The following ABR variants were observed in gnomAD, a reference collection of about 807,000 sequenced individuals.
The protein encoded by ABR is ABR activator of RhoGEF and GTPase, also known as active breakpoint cluster region-related protein.
A neutral mutation model predicts 107.2 loss-of-function variants in ABR; 35 were observed. The observed-to-expected ratio is 0.33, with a 90% CI of 0.25 to 0.43. The LOEUF (loss-of-function observed/expected upper bound fraction) is 0.43. Ranked by LOEUF, ABR falls within the 20% of genes least tolerant of loss-of-function variation. ABR has a pLI of 1.00. For synonymous variants in ABR, 498 were observed against 462.0 expected (o/e 1.08, Z -1.00); for missense variants, 815 against 1,115.2 (o/e 0.73, Z 3.83).
At chr17:1,160,282 CCA>C (rs112524650) in intron 1 of ABR, among the ~76,000 whole-genome samples, 36,412 of 148,586 alleles carry the variant, frequency 0.25, 4,790 homozygotes, top group African/African-American at 0.35. Context: ...CAAAAAAAAA[CCA>C]CACACACACA....
chr17:1,211,543 T>C lies in ABR; in HGVS notation c.838+17250A>G, dbSNP rs145717883. ...GATTGATTATTCACCGTGATTTTTT[T>C]ACCATAGATTTCCTCATTAATCCCC... is the stretch of plus-strand genomic sequence containing the variant. On this transcript the variant is annotated intron_variant, in intron 1 of 22. Transcript: ENST00000574139. 5.1e-4 allele frequency among the ~76,000 whole-genome samples: 77 copies of C among 152,340 alleles called. No homozygotes were observed. The East Asian group carries it at 0.014, about 28-fold the overall frequency.
At position 1,080,200 on chromosome 17, in the gene ABR, T is replaced by C. The variant is rs371195134; in HGVS notation, c.640-810A>G. 1.7e-4 allele frequency among the ~76,000 whole-genome samples: 26 copies of C among 152,070 alleles called. 2 individuals are homozygous for C. Among genetic ancestry groups the C allele is most frequent in the African/African-American group, 6.3e-4 (26 of 41,462 alleles). ...GACAGTGAGCTGCATCCTACCCCCA[T>C]CAGAGAGCACTTACTCAGCCCCCAG... On this transcript the variant is annotated intron_variant, in intron 5 of 22. Coordinates refer to ENST00000302538, the MANE Select transcript of ABR (RefSeq NM_021962.5).
chr17:1,228,727 G>A (rs2043270374), intron 1 of ABR: 1 of 151,948 alleles, frequency 6.6e-6, no homozygotes. Flanking sequence ...GGCCGGGAAG[G>A]GGTCCCGGCA....
At chr17:1,167,891 G>A (rs913739045) in intron 1 of ABR, among the ~76,000 whole-genome samples, 6 of 152,192 alleles carry the variant, frequency 3.9e-5, no homozygotes, top group Non-Finnish European at 7.3e-5. Flanking sequence ...GGTCGCTCAC[G>A]CCTGTAATCC....
At chr17:1,218,666 G>C (rs375804453) in intron 1 of ABR, among the ~76,000 whole-genome samples, 1 of 152,086 alleles carries the variant, frequency 6.6e-6, no homozygotes, top group Non-Finnish European at 1.5e-5. Context: ...CTCAACATTC[G>C]GCATGCCAAA....
intron 1 of ABR, among the ~76,000 whole-genome samples, chr17:1,134,966 C>G (rs1458832705): frequency 6.6e-6 from 1 of 152,242 alleles, no homozygotes; most frequent in African/African-American, 2.4e-5. Context: ...CTGGATGACA[C>G]GCATACGGCA....
intron 16 of ABR, among the ~76,000 whole-genome samples, chr17:1,038,343 T>C (rs1049125091): frequency 3.9e-5 from 6 of 152,158 alleles, no homozygotes; most frequent in Non-Finnish European, 7.4e-5. Flanking sequence ...CACCTCTGGG[T>C]CAGACGCTGA....
chr17:1,216,517 A>T (rs2043013472), intron 1 of ABR, among the ~76,000 whole-genome samples: 1 of 152,236 alleles, frequency 6.6e-6, no homozygotes, highest in Non-Finnish European at 1.5e-5. Context: ...GTCGGCTCTA[A>T]CTAATGCCTC....
chr17:1,046,415 C>A (rs2004755), intron 16 of ABR, among the ~76,000 whole-genome samples: 1 of 150,998 alleles, frequency 6.6e-6, no homozygotes, highest in African/African-American at 2.4e-5. Flanking sequence ...GGATTATGGG[C>A]GCGTGCCACC....
chr17:1,098,434 C>CAT (rs1047850739), intron 3 of ABR, among the ~76,000 whole-genome samples: 3 of 152,160 alleles, frequency 2.0e-5, no homozygotes, highest in African/African-American at 7.2e-5. Flanking sequence ...CCGGCAATTA[C>CAT]ATATATATAC....
chr17:1,214,339 G>GTATA (rs35881832), intron 1 of ABR, among the ~76,000 whole-genome samples: 36 of 151,164 alleles, frequency 2.4e-4, no homozygotes, highest in Admixed American at 1.4e-3. Context: ...GGATGTGTGT[G>GTATA]TATATATATA....
Position 1,011,998 on chromosome 17 carries a change from G to A in ABR, c.1962-13C>T, listed in dbSNP as rs202247607. On this transcript the variant is annotated splice_polypyrimidine_tract_variant and intron_variant, in intron 18 of 22. Transcript: ENST00000302538. This position sits in a 1 kb window ranked among gnomAD's most constrained non-coding sequence, Gnocchi z 4.8. ...GGAGCGCTCCCGCCTGGGGTGGAGC[G>A]TGAGGATGGGTGGAGGGCAGCCCCC... 5.5e-5 allele frequency: 88 copies of A among 1,611,346 alleles called. No homozygotes were observed. Among genetic ancestry groups the A allele is most frequent in the Non-Finnish European group, 6.8e-5 (80 of 1,178,184 alleles).
chr17:1,223,250 A>T (rs12938120), intron 1 of ABR, among the ~76,000 whole-genome samples: 1 of 151,078 alleles, frequency 6.6e-6, no homozygotes, highest in African/African-American at 2.4e-5. Context: ...GGCGGGCACC[A>T]GTAATCTCAG....
intron 1 of ABR, among the ~76,000 whole-genome samples, chr17:1,196,345 A>G (rs927758424): frequency 2.0e-5 from 3 of 150,484 alleles, no homozygotes; most frequent in African/African-American, 7.3e-5. Flanking sequence ...CAGGAGAATC[A>G]CTTGAACCCA....
Position 1,005,046 on chromosome 17 carries a change from GCTC to G in ABR, c.*1031_*1033del, listed in dbSNP as rs759169646. Reference sequence around the variant, plus strand: ...CCCTCTTGAAAAGCCCCCACAACTTGCTCCTAAGAGCTGAGCTGCCTCCCCGCG... The same window carrying G: ...CCCTCTTGAAAAGCCCCCACAACTTGCTAAGAGCTGAGCTGCCTCCCCGCG... On this transcript the variant is annotated 3_prime_UTR_variant, in exon 23 of 23. Transcript: ENST00000302538. 1.0e-5 allele frequency: 4 copies of G among 398,828 alleles called. No individual in the cohort carries two copies. Among genetic ancestry groups the G allele is most frequent in the Non-Finnish European group, 1.8e-5 (4 of 226,222 alleles). The allele number at this position is 398,828 out of a possible 1,614,324, so 24.7% of individuals were successfully genotyped here. A position where few individuals can be genotyped will look rare whatever the true frequency, so the allele number is the denominator to read the frequency against.
chr17:1,092,120 C>T lies in ABR; in HGVS notation c.346-270G>A, dbSNP rs528347596. Among the ~76,000 whole-genome samples the T allele has an allele frequency of 2.6e-5, 4 of 152,280 alleles. No individual in the cohort carries two copies. In the South Asian group the frequency reaches 8.3e-4, roughly 32 times the overall value. On this transcript the variant is annotated intron_variant, in intron 3 of 22. Coordinates refer to ENST00000302538, the MANE Select transcript of ABR (RefSeq NM_021962.5). The surrounding 1 kb of genome is among the most constrained non-coding windows in gnomAD (Gnocchi z 4.6). ...CTCACTCCCCTACCACGCAGCTGAG[C>T]TCAGCAGCAGCCTGTACTGGGTTAA...
chr17:1,112,620 G>A (rs868483117), intron 2 of ABR, among the ~76,000 whole-genome samples: 11 of 92,240 alleles, frequency 1.2e-4, no homozygotes, highest in African/African-American at 5.2e-4. Flanking sequence ...AGGGAGGAAG[G>A]AAGGAAGGAA....
At chr17:1,228,687 G>A (rs1007904813) in intron 1 of ABR, 5 of 152,032 alleles carry the variant, frequency 3.3e-5, no homozygotes, top group African/African-American at 4.8e-5. Flanking sequence ...CCCCGGCCCC[G>A]AGCTCGAGGT....
In ABR at chr17:1,050,429, G is replaced by A. The variant is rs1188912122; in HGVS notation, c.1659+108C>T. ...GCCAGAGGAGCAGGGAGCAGAAAGG[G>A]GGGTGCAGACATAGCTGGTCCAACC... On this transcript the variant is annotated intron_variant, in intron 15 of 22. Transcript: ENST00000302538. The surrounding 1 kb of genome is among the most constrained non-coding windows in gnomAD (Gnocchi z 4.6). 2 of 1,111,258 alleles carry A rather than the reference G, an allele frequency of 1.8e-6. No individual in the cohort carries two copies. Among genetic ancestry groups the A allele is most frequent in the Non-Finnish European group, 2.7e-6 (2 of 733,910 alleles). 68.8% of individuals were successfully genotyped at this position (1,111,258 alleles called of 1,614,324 possible). A position where few individuals can be genotyped will look rare whatever the true frequency, so the allele number is the denominator to read the frequency against.
Sources: gnomAD v4.1 joint callset for allele counts (sites outside exome capture counted in the v4.1 genomes callset) on GRCh38, gnomAD v4.1.1 for gene constraint, Gnocchi (gnomAD v3.1) non-coding constraint, MANE v1.5 for transcripts, NCBI Gene and HGNC (gene_info 2026-07-23, HGNC 2026-07-21) for gene names.